SPACA7: variants seen among roughly 807,000 people sequenced by gnomAD.
The protein encoded by SPACA7 is sperm acrosome associated 7.
Under a neutral mutation model 26.3 loss-of-function variants are expected in SPACA7, and 19 were observed. That is an observed-to-expected ratio of 0.72 (90% CI 0.50 to 1.06). The LOEUF (loss-of-function observed/expected upper bound fraction) is 1.06, where lower values mean the gene tolerates loss of function less well. Among genes scored for constraint, SPACA7 ranks in the 50% least tolerant of loss-of-function variants. The pLI is 0.00. For synonymous variants in SPACA7, 84 were observed against 84.5 expected (o/e 0.99, Z 0.04); for missense variants, 211 against 229.9 (o/e 0.92, Z 0.53).
rs1429351492 is a variant in SPACA7, at chr13:112,434,637, C to T, written c.*88C>T. ...CCGGAACAGGGCACTTGTGTGCACA[C>T]GCCCACGTTCTCTGAACCATTCCAC... On this transcript the variant is annotated 3_prime_UTR_variant, in exon 7 of 7. Coordinates refer to ENST00000283550, the MANE Select transcript of SPACA7 (RefSeq NM_145248.5). The T allele has an allele frequency of 7.8e-5, 80 of 1,031,520 alleles. 1 individual carries two copies. In the East Asian group the frequency reaches 1.0e-3, roughly 13 times the overall value. 63.9% of individuals were successfully genotyped at this position (1,031,520 alleles called of 1,614,324 possible). A position where few individuals can be genotyped will look rare whatever the true frequency, so the allele number is the denominator to read the frequency against.
chr13:112,421,092 G>A (rs927738888), intron 5 of SPACA7, among the ~76,000 whole-genome samples: 1 of 151,916 alleles, frequency 6.6e-6, no homozygotes, highest in Non-Finnish European at 1.5e-5. Flanking sequence ...GCCAAAATGT[G>A]GATTGTACAA....
At chr13:112,400,381 C>T (rs1294789384) in intron 4 of SPACA7, among the ~76,000 whole-genome samples, 2 of 152,154 alleles carry the variant, frequency 1.3e-5, no homozygotes, top group Admixed American at 6.6e-5. Flanking sequence ...TGCCAACTGG[C>T]GAGTTTCTCT....
chr13:112,413,941 AC>A (rs981613406), intron 5 of SPACA7, among the ~76,000 whole-genome samples: 3 of 152,154 alleles, frequency 2.0e-5, no homozygotes, highest in African/African-American at 7.2e-5. Context: ...GCCTCAGGGA[AC>A]TTTTCCTCAT....
chr13:112,429,083 G>A (rs1444584242), intron 5 of SPACA7, among the ~76,000 whole-genome samples: 1 of 152,176 alleles, frequency 6.6e-6, no homozygotes, highest in African/African-American at 2.4e-5. Flanking sequence ...AGTTATCCCT[G>A]CAACAAGACT....
chr13:112,380,064 T>C (rs1327977595), intron 1 of SPACA7, among the ~76,000 whole-genome samples: 1 of 152,132 alleles, frequency 6.6e-6, no homozygotes, highest in Non-Finnish European at 1.5e-5. Context: ...AGAATCTTTG[T>C]TTCCTAGTAA....
chr13:112,404,144 G>A lies in SPACA7; in HGVS notation c.445+2980G>A, dbSNP rs542439593. Among the ~76,000 whole-genome samples the A allele has an allele frequency of 5.9e-5, 9 of 152,282 alleles. No individual in the cohort carries two copies. In the East Asian group the frequency reaches 1.4e-3, roughly 23 times the overall value. On this transcript the variant is annotated intron_variant, in intron 5 of 6. Coordinates refer to ENST00000283550, the MANE Select transcript of SPACA7 (RefSeq NM_145248.5). The stretch of plus-strand genomic sequence containing the variant: ...TGCAGGAGTGAGGTGGTATAGCATT[G>A]TGGTTTTGATTTGTATTTCCCTGAT...
intron 1 of SPACA7, among the ~76,000 whole-genome samples, chr13:112,389,588 C>T (rs1460751779): frequency 6.6e-6 from 1 of 152,128 alleles, no homozygotes; most frequent in African/African-American, 2.4e-5. Context: ...TTCTCTAAGC[C>T]AATTTGAATA....
chr13:112,408,068 C>T lies in SPACA7; in HGVS notation c.445+6904C>T, dbSNP rs562309683. On this transcript the variant is annotated intron_variant, in intron 5 of 6. Coordinates refer to ENST00000283550, the MANE Select transcript of SPACA7 (RefSeq NM_145248.5). ...TGGGATGCAAGGCTGGTTCAAAGTA[C>T]GCAAATAAATAAACGTAGTCGAGCA... Among the ~76,000 whole-genome samples the T allele has an allele frequency of 3.5e-4, 53 of 152,114 alleles. 1 individual carries two copies. The South Asian group carries it at 5.6e-3, about 16-fold the overall frequency.
At position 112,376,536 on chromosome 13, in the gene SPACA7, C is replaced by T. The variant is rs768165313; in HGVS notation, c.94+57C>T. ...GAGAACTGAACCAGGTGGGGAGCGGCGGCCTCTTCTCCCATGGGTTCCTCT... is the reference window on the plus strand; with the variant it reads ...GAGAACTGAACCAGGTGGGGAGCGGTGGCCTCTTCTCCCATGGGTTCCTCT... On this transcript the variant is annotated intron_variant, in intron 1 of 6. Coordinates refer to ENST00000283550, the MANE Select transcript of SPACA7 (RefSeq NM_145248.5). 8.4e-4 allele frequency: 1,312 copies of T among 1,559,206 alleles called. 1 individual carries two copies. The highest frequency in any genetic ancestry group is 1.0e-3 in the Non-Finnish European group (1,151 of 1,150,098).
chr13:112,406,321 G>A (rs1484291131), intron 5 of SPACA7, among the ~76,000 whole-genome samples: 1 of 152,122 alleles, frequency 6.6e-6, no homozygotes, highest in Non-Finnish European at 1.5e-5. Flanking sequence ...CTAGTCAGGT[G>A]CCTCATATAA....
intron 2 of SPACA7, among the ~76,000 whole-genome samples, chr13:112,393,709 C>A (rs148884497): frequency 6.6e-6 from 1 of 152,256 alleles, no homozygotes. Context: ...CGAAGATGTG[C>A]TTTTCATTGT....
At chr13:112,407,188 T>C (rs1267698511) in intron 5 of SPACA7, among the ~76,000 whole-genome samples, 1 of 152,126 alleles carries the variant, frequency 6.6e-6, no homozygotes, top group Non-Finnish European at 1.5e-5. Context: ...AGACACAACA[T>C]ACCAGAATTT....
chr13:112,401,223 G>A (rs1885621529), intron 5 of SPACA7, 59 bp downstream of exon 5: 2 of 1,350,914 alleles, frequency 1.5e-6, no homozygotes, highest in Non-Finnish European at 2.1e-6. Context: ...ATGAGTGTGT[G>A]AGGTGACTGT....
intron 5 of SPACA7, among the ~76,000 whole-genome samples, chr13:112,414,671 C>T (rs1368415892): frequency 6.6e-6 from 1 of 152,090 alleles, no homozygotes; most frequent in Admixed American, 6.6e-5. Context: ...CTTGGCTTCC[C>T]AAAGTGCTGG....
Position 112,434,543 on chromosome 13 carries a change from T to G in SPACA7, c.582T>G (p.Ser194Arg). ...RTSAQRRSQG[S>R]Q ...GCGCACAGAGGAGGAGCCAAGGCAG[T>G]CAGTGAGGCCGCAGCCCCAGACCCC... Residue 194 changes from serine to arginine, a missense_variant, in exon 7 of 7, where the codon AGT (serine) becomes AGG (arginine). Ser to Arg is a moderately radical substitution (Grantham distance 110). Coordinates refer to ENST00000283550, the MANE Select transcript of SPACA7 (RefSeq NM_145248.5). 1 of 1,607,158 alleles carries G rather than the reference T, an allele frequency of 6.2e-7. No individual in the cohort carries two copies.
chr13:112,396,079 C>A (rs971987824), intron 2 of SPACA7, among the ~76,000 whole-genome samples: 1 of 136,716 alleles, frequency 7.3e-6, no homozygotes, highest in African/African-American at 2.5e-5. Flanking sequence ...CGCCTCCTCA[C>A]AGCTGGGCCA....
intron 5 of SPACA7, among the ~76,000 whole-genome samples, chr13:112,427,507 T>C (rs543697438): frequency 2.0e-5 from 3 of 152,376 alleles, no homozygotes; most frequent in Non-Finnish European, 4.4e-5. Flanking sequence ...TGTGGTTTGT[T>C]GGGTTTTTAA....
intron 5 of SPACA7, among the ~76,000 whole-genome samples, chr13:112,406,564 T>C (rs1302549037): frequency 1.3e-5 from 2 of 152,172 alleles, no homozygotes; most frequent in African/African-American, 4.8e-5. Flanking sequence ...GAATAGAGAT[T>C]TTTTTCCAAG....
Position 112,432,461 on chromosome 13 carries a change from A to G in SPACA7, c.463A>G (p.Thr155Ala), listed in dbSNP as rs369678498. The G allele has an allele frequency of 3.0e-5, 48 of 1,609,784 alleles. No homozygotes were observed. In the East Asian group the frequency reaches 6.2e-4, roughly 21 times the overall value. Residue 155 changes from threonine (T) to alanine (A), a missense_variant, in exon 6 of 7, where the codon ACT becomes GCT. Physicochemically the swap from Thr to Ala is moderately conservative, Grantham distance 58 (BLOSUM62 0). Transcript: ENST00000283550. Reference protein sequence around the residue: ...VSSKEKNSKNTQYENLSILDQ... With the variant: ...VSSKEKNSKNAQYENLSILDQ... ...CCCCACAGAAAAGAATTCAAAGAAC[A>G]CTCAGTATGAAAATCTATCCATTCT...
Sources: gnomAD v4.1 joint callset for allele counts (sites outside exome capture counted in the v4.1 genomes callset) on GRCh38, gnomAD v4.1.1 for gene constraint, MANE v1.5 for transcripts, NCBI Gene and HGNC (gene_info 2026-07-23, HGNC 2026-07-21) for gene names.